Variants in CLMP observed in about 807,000 individuals in gnomAD.
CLMP encodes the protein CXADR-like membrane protein.
Under a neutral mutation model 45.2 loss-of-function variants are expected in CLMP, and 27 were observed. The ratio of observed to expected loss-of-function variants is 0.60; its 90% CI spans 0.44 to 0.82. The LOEUF is 0.82. Ranked by LOEUF, CLMP falls within the 40% of genes least tolerant of loss-of-function variation. The pLI is 0.00. For synonymous variants in CLMP, 167 were observed against 171.4 expected (o/e 0.97, Z 0.20); for missense variants, 403 against 448.4 (o/e 0.90, Z 0.91).
intron 1 of CLMP, among the ~76,000 whole-genome samples, chr11:123,181,868 C>T (rs1279254808): frequency 2.0e-5 from 3 of 152,178 alleles, no homozygotes; most frequent in Admixed American, 6.5e-5. Context: ...TGAAACAGCT[C>T]GAACTGAACG....
At position 123,084,546 on chromosome 11, in the gene CLMP, G is replaced by T; in HGVS notation, c.354C>A (p.Arg118=). Reference sequence around the variant, plus strand: ...TTAAGATGACATGGCTCCACACGTAGCGCCCTGAATTCTTAACCTTACAGG... The same window carrying T: ...TTAAGATGACATGGCTCCACACGTATCGCCCTGAATTCTTAACCTTACAGG... ...RYTCKVKNSG[R]YVWSHVILKV... The change falls in exon 3 of 7, where the codon CGC becomes CGA. Residue 118 remains arginine, a synonymous_variant. Transcript: ENST00000448775. 1 of 1,614,148 alleles carries T rather than the reference G, an allele frequency of 6.2e-7. No homozygotes were observed. Among genetic ancestry groups the T allele is most frequent in the Non-Finnish European group, 8.5e-7 (1 of 1,180,014 alleles).
chr11:123,113,011 G>C (rs1206900455), intron 1 of CLMP, among the ~76,000 whole-genome samples: 1 of 151,622 alleles, frequency 6.6e-6, no homozygotes, highest in Non-Finnish European at 1.5e-5. Context: ...CTGACCTTGT[G>C]ATCTGCCCTC....
intron 2 of CLMP, among the ~76,000 whole-genome samples, chr11:123,086,151 A>G (rs1865863977): frequency 6.6e-6 from 1 of 152,106 alleles, no homozygotes; most frequent in Admixed American, 6.6e-5. Flanking sequence ...ACCTCAGGTG[A>G]TCCACCCTCC....
chr11:123,150,516 G>GA (rs1861314594), intron 1 of CLMP, among the ~76,000 whole-genome samples: 2 of 129,330 alleles, frequency 1.5e-5, no homozygotes, highest in African/African-American at 6.2e-5. Flanking sequence ...AGGAAGGAAG[G>GA]AAGGAAGGAA....
chr11:123,152,838 C>A (rs1861357535), intron 1 of CLMP, among the ~76,000 whole-genome samples: 1 of 152,146 alleles, frequency 6.6e-6, no homozygotes, highest in South Asian at 2.1e-4. Context: ...ACATTGCCCC[C>A]TGTATCCTTT....
At position 123,156,199 on chromosome 11, in the gene CLMP, A is replaced by G. The variant is rs115183209; in HGVS notation, c.28+38714T>C. Reference sequence around the variant, plus strand: ...TGAGGAAAGGCCGTGTGAGGATACAACAAGAAGGCAACCATCCACAAGCCA... The same window carrying G: ...TGAGGAAAGGCCGTGTGAGGATACAGCAAGAAGGCAACCATCCACAAGCCA... On this transcript the variant is annotated intron_variant, in intron 1 of 6. Transcript: ENST00000448775. 8.3e-3 allele frequency among the ~76,000 whole-genome samples: 1,263 copies of G among 152,264 alleles called. 23 individuals are homozygous for G. Among genetic ancestry groups the G allele is most frequent in the African/African-American group, 0.029 (1,194 of 41,540 alleles).
In CLMP at chr11:123,121,711, C is replaced by G. The variant is rs147664692; in HGVS notation, c.29-23759G>C. ...GGAGTATACCTATACAGATTCCAGT[C>G]CTTGAGCCTTTTAATAAACTGGCTT... On this transcript the variant is annotated intron_variant, in intron 1 of 6. Transcript: ENST00000448775. Among the ~76,000 whole-genome samples, 899 of 152,236 alleles carry G rather than the reference C, an allele frequency of 5.9e-3. 6 individuals are homozygous for G. Among genetic ancestry groups the G allele is most frequent in the Admixed American group, 0.017 (253 of 15,294 alleles).
intron 5 of CLMP, among the ~76,000 whole-genome samples, chr11:123,081,160 CA>C (rs1406548927): frequency 6.7e-6 from 1 of 148,264 alleles, no homozygotes; most frequent in Non-Finnish European, 1.5e-5. Flanking sequence ...CTCAAAAAAA[CA>C]AAAAACAAAA....
intron 2 of CLMP, among the ~76,000 whole-genome samples, chr11:123,093,118 G>C (rs1406217211): frequency 6.6e-6 from 1 of 150,846 alleles, no homozygotes; most frequent in Non-Finnish European, 1.5e-5. Flanking sequence ...ATGTTGGTCA[G>C]GTTGGTCTCA....
rs117571900 is a variant in CLMP at position 123,166,525 on chromosome 11, C to T, written c.28+28388G>A. On this transcript the variant is annotated intron_variant, in intron 1 of 6. Transcript: ENST00000448775. ...TTGTTTAAACAAGATGAGAGCAGGC[C>T]GTGTTTGGACTAGAAGGCCCGTGAC... is the stretch of plus-strand genomic sequence containing the variant. Among the ~76,000 whole-genome samples, 498 of 152,274 alleles carry T rather than the reference C, an allele frequency of 3.3e-3. 11 individuals are homozygous for T. Among genetic ancestry groups the T allele is most frequent in the Admixed American group, 0.021 (324 of 15,292 alleles).
At chr11:123,152,192 C>G (rs1227044513) in intron 1 of CLMP, among the ~76,000 whole-genome samples, 1 of 152,078 alleles carries the variant, frequency 6.6e-6, no homozygotes, top group African/African-American at 2.4e-5. Flanking sequence ...GAGCTATACA[C>G]ATATATTATT....
In CLMP at chr11:123,074,834, C is replaced by T. The variant is rs1472383080; in HGVS notation, c.689G>A (p.Ser230Asn). 1 of 1,612,800 alleles carries T rather than the reference C, an allele frequency of 6.2e-7. No individual in the cohort carries two copies. Among genetic ancestry groups the T allele is most frequent in the South Asian group, 1.1e-5 (1 of 90,990 alleles). Residue 230 changes from serine to asparagine, a missense_variant, in exon 6 of 7, where the codon AGC becomes AAC. By Grantham distance (46) the Ser-to-Asn change is conservative (BLOSUM62 1). Transcript: ENST00000448775. ...VVRVTVQYVQSIGMVAGAVTG... is the reference protein window; with the variant it reads ...VVRVTVQYVQNIGMVAGAVTG... ...CACTGCTCCTGCAACCATGCCGATGCTTTGTACATCTATTTTCTCAGAAGC... is the reference window on the plus strand; with the variant it reads ...CACTGCTCCTGCAACCATGCCGATGTTTTGTACATCTATTTTCTCAGAAGC...
chr11:123,105,420 TTTC>T (rs1414775382), intron 1 of CLMP, among the ~76,000 whole-genome samples: 1 of 143,928 alleles, frequency 6.9e-6, no homozygotes, highest in South Asian at 2.4e-4. Context: ...TCTCTCTTTC[TTTC>T]TTCTTTTCTT....
intron 1 of CLMP, among the ~76,000 whole-genome samples, chr11:123,176,186 C>T (rs1374312869): frequency 1.3e-5 from 2 of 152,176 alleles, no homozygotes; most frequent in African/African-American, 4.8e-5. Context: ...TGAAATTCTG[C>T]TTCTTTTTAG....
rs374688918 is a variant in CLMP, at chr11:123,121,845, T to C, written c.29-23893A>G. The stretch of plus-strand genomic sequence containing the variant: ...ACATTTCTCTTTCACCTTTATTTCC[T>C]TCCCCATTTTCAGCCACCTGAGTAG... On this transcript the variant is annotated intron_variant, in intron 1 of 6. Transcript: ENST00000448775. Among the ~76,000 whole-genome samples the C allele has an allele frequency of 8.2e-4, 125 of 152,312 alleles. 1 individual carries two copies. Among genetic ancestry groups the C allele is most frequent in the African/African-American group, 2.9e-3 (121 of 41,564 alleles).
chr11:123,182,798 G>A (rs1461494590), intron 1 of CLMP, among the ~76,000 whole-genome samples: 2 of 152,102 alleles, frequency 1.3e-5, no homozygotes, highest in Admixed American at 1.3e-4. Flanking sequence ...ACGCAAGAAA[G>A]GCTTAACCGT....
At chr11:123,164,199 A>C (rs2135535558) in intron 1 of CLMP, among the ~76,000 whole-genome samples, 1 of 152,064 alleles carries the variant, frequency 6.6e-6, no homozygotes, top group Middle Eastern at 3.4e-3. Context: ...TAATTTATCT[A>C]TTTCTTTGTC....
At chr11:123,154,165 C>T (rs528963513) in intron 1 of CLMP, among the ~76,000 whole-genome samples, 24 of 152,250 alleles carry the variant, frequency 1.6e-4, no homozygotes, top group East Asian at 7.7e-4. Context: ...CATGGCAAGA[C>T]GGAGTCAATG....
intron 1 of CLMP, chr11:123,136,214 C>T: frequency 1.5e-6 from 1 of 645,960 alleles, no homozygotes; most frequent in Non-Finnish European, 3.0e-6. Flanking sequence ...GCCAGGAACA[C>T]CACCCATTAC....
Sources: gnomAD v4.1 joint callset for allele counts (sites outside exome capture counted in the v4.1 genomes callset) on GRCh38, gnomAD v4.1.1 for gene constraint, MANE v1.5 for transcripts, NCBI Gene and HGNC (gene_info 2026-07-23, HGNC 2026-07-21) for gene names.